Variants in SGIP1 observed in about 807,000 individuals in gnomAD.
SGIP1 encodes the protein SH3GL interacting endocytic adaptor 1.
Under a neutral mutation model 107.5 loss-of-function variants are expected in SGIP1, and 38 were observed. The observed-to-expected ratio is 0.35, with a 90% CI of 0.27 to 0.46. The LOEUF is 0.46. SGIP1 is among the 20% of genes least tolerant of loss of function. The pLI, the probability that SGIP1 is intolerant of heterozygous loss-of-function variation, is 1.00. For synonymous variants in SGIP1, 365 were observed against 366.1 expected (o/e 1.00, Z 0.03); for missense variants, 929 against 1,019.5 (o/e 0.91, Z 1.21).
At chr1:66,718,927 G>A (rs1192751069) in intron 18 of SGIP1, among the ~76,000 whole-genome samples, 1 of 152,174 alleles carries the variant, frequency 6.6e-6, no homozygotes, top group East Asian at 1.9e-4. Flanking sequence ...TGGAATGAAT[G>A]CTCAAATAGG....
At chr1:66,575,984 T>A (rs931105116) in intron 1 of SGIP1, among the ~76,000 whole-genome samples, 4 of 152,168 alleles carry the variant, frequency 2.6e-5, no homozygotes, top group Admixed American at 6.6e-5. Flanking sequence ...GGACCCGTTT[T>A]CCTAGGAACA....
chr1:66,673,870 A>T (rs1055559947), intron 12 of SGIP1, among the ~76,000 whole-genome samples: 1 of 152,208 alleles, frequency 6.6e-6, no homozygotes, highest in Non-Finnish European at 1.5e-5. Context: ...TGAATCATTT[A>T]GAAACTTAGA....
chr1:66,737,129 G>A (rs1440782844), intron 21 of SGIP1, among the ~76,000 whole-genome samples: 4 of 152,088 alleles, frequency 2.6e-5, no homozygotes, highest in Non-Finnish European at 1.5e-5. Context: ...AACTCTAAAT[G>A]TAATTTTTTC....
Position 66,739,190 on chromosome 1 carries a change from A to G in SGIP1, c.2032-145A>G, listed in dbSNP as rs112068493. On this transcript the variant is annotated intron_variant, in intron 21 of 24. Transcript: ENST00000371037. ...TTTTAGTCTGTAACAGTTTACTTGA[A>G]GCACCCAGCTCTCTCACAGCACGCT... 368 of 834,442 alleles carry G rather than the reference A, an allele frequency of 4.4e-4. 3 individuals are homozygous for G. The African/African-American group carries it at 5.4e-3, about 12-fold the overall frequency. 51.7% of individuals were successfully genotyped at this position (834,442 alleles called of 1,614,324 possible). A position where few individuals can be genotyped will look rare whatever the true frequency, so the allele number is the denominator to read the frequency against.
At chr1:66,671,092 A>G in intron 10 of SGIP1, 73 bp downstream of exon 10, 1 of 722,144 alleles carries the variant, frequency 1.4e-6, no homozygotes, top group Non-Finnish European at 2.2e-6. Context: ...CTTGGAGTAT[A>G]TGTACATATG....
At chr1:66,575,980 G>C (rs776673154) in intron 1 of SGIP1, among the ~76,000 whole-genome samples, 1 of 152,152 alleles carries the variant, frequency 6.6e-6, no homozygotes, top group South Asian at 2.1e-4. Flanking sequence ...TGCAGGACCC[G>C]TTTTCCTAGG....
intron 7 of SGIP1, among the ~76,000 whole-genome samples, chr1:66,646,049 C>T (rs1325656782): frequency 1.3e-5 from 2 of 152,152 alleles, no homozygotes; most frequent in Non-Finnish European, 2.9e-5. Flanking sequence ...CCACATTGGC[C>T]AGGCTGGTCT....
rs570644075 is a variant in SGIP1, at chr1:66,567,329, C to T, written c.10+32961C>T. 1.1e-4 allele frequency among the ~76,000 whole-genome samples: 17 copies of T among 152,066 alleles called. 2 individuals are homozygous for T. The highest frequency in any genetic ancestry group is 3.9e-4 in the African/African-American group (16 of 41,500). Reference sequence around the variant, plus strand: ...TCTTTTGAAAAGTGTCTGTTCATATCCTTTGCCCACTTTTTGATGGGGTTG... The same window carrying T: ...TCTTTTGAAAAGTGTCTGTTCATATTCTTTGCCCACTTTTTGATGGGGTTG... On this transcript the variant is annotated intron_variant, in intron 1 of 24. Coordinates refer to ENST00000371037, the MANE Select transcript of SGIP1 (RefSeq NM_032291.4).
At position 66,745,819 on chromosome 1, in the gene SGIP1, A is replaced by G. The variant is rs111738421; in HGVS notation, c.*2724A>G. 19 of 152,230 alleles carry G rather than the reference A, an allele frequency of 1.2e-4. No individual in the cohort carries two copies. The highest frequency in any genetic ancestry group is 4.3e-4 in the African/African-American group (18 of 41,574). The allele number at this position is 152,230 out of a possible 1,614,324, so 9.4% of individuals were successfully genotyped here. A position where few individuals can be genotyped will look rare whatever the true frequency, so the allele number is the denominator to read the frequency against. The stretch of plus-strand genomic sequence containing the variant: ...AAATTTTGTTTTTCTTTTCCAATAA[A>G]ATCCATATTTTCGTGAAATTTTTAA... On this transcript the variant is annotated 3_prime_UTR_variant, in exon 25 of 25. Coordinates refer to ENST00000371037, the MANE Select transcript of SGIP1 (RefSeq NM_032291.4).
intron 1 of SGIP1, among the ~76,000 whole-genome samples, chr1:66,559,027 C>T (rs1445799116): frequency 6.6e-6 from 1 of 152,002 alleles, no homozygotes; most frequent in African/African-American, 2.4e-5. Context: ...GAGAAGGATG[C>T]TAAGCAAACT....
intron 19 of SGIP1, 23 bp downstream of exon 19, chr1:66,719,428 T>G: frequency 6.3e-7 from 1 of 1,586,770 alleles, no homozygotes; most frequent in South Asian, 1.1e-5. Context: ...CTTGGTCCAT[T>G]GTACTTTCTG....
At chr1:66,544,646 A>G (rs2055908549) in intron 1 of SGIP1, among the ~76,000 whole-genome samples, 1 of 152,164 alleles carries the variant, frequency 6.6e-6, no homozygotes. Flanking sequence ...CTATGATCAC[A>G]TCACTGCACT....
At chr1:66,547,315 T>G (rs1285094583) in intron 1 of SGIP1, among the ~76,000 whole-genome samples, 1 of 152,144 alleles carries the variant, frequency 6.6e-6, no homozygotes, top group African/African-American at 2.4e-5. Context: ...TTAAACTGAA[T>G]AAAAATATTG....
At chr1:66,672,808 A>G (rs1011109062) in intron 11 of SGIP1, among the ~76,000 whole-genome samples, 2 of 149,368 alleles carry the variant, frequency 1.3e-5, no homozygotes, top group Non-Finnish European at 3.0e-5. Flanking sequence ...AGAGGATGAA[A>G]CTTCTCGGTG....
chr1:66,577,756 CTGTGTGTGTGTGTGTGTG>C (rs6143251), intron 1 of SGIP1, among the ~76,000 whole-genome samples: 48,150 of 145,010 alleles, frequency 0.33, 8,191 homozygotes, highest in African/African-American at 0.45. Context: ...TAATGCAGTC[CTGTGTGTGTGTGTGTGTG>C]TGTGTGTGTG....
chr1:66,680,028 C>A (rs1376503745), intron 14 of SGIP1, among the ~76,000 whole-genome samples: 2 of 152,188 alleles, frequency 1.3e-5, no homozygotes, highest in Non-Finnish European at 2.9e-5. Flanking sequence ...TGAAAAAAAT[C>A]TCAATATGAA....
In SGIP1 at chr1:66,748,717, A is replaced by G. The variant is rs1053325200; in HGVS notation, c.*5622A>G. 8.6e-5 allele frequency among the ~76,000 whole-genome samples: 13 copies of G among 152,032 alleles called. No homozygotes were observed. Among genetic ancestry groups the G allele is most frequent in the African/African-American group, 3.1e-4 (13 of 41,436 alleles). On this transcript the variant is annotated 3_prime_UTR_variant, in exon 25 of 25. Transcript: ENST00000371037. ...GTCCCGTAATGTTTTAAAGAAAAGA[A>G]GTAAAGTGTATTTGGGCTATGCTCA...
intron 2 of SGIP1, among the ~76,000 whole-genome samples, chr1:66,629,734 A>G (rs2073834111): frequency 6.6e-6 from 1 of 152,224 alleles, no homozygotes; most frequent in African/African-American, 2.4e-5. Context: ...ATAAAACCTC[A>G]TTAGAGGGGG....
chr1:66,706,970 G>A (rs981655060), intron 18 of SGIP1, among the ~76,000 whole-genome samples: 1 of 152,086 alleles, frequency 6.6e-6, no homozygotes, highest in African/African-American at 2.4e-5. Flanking sequence ...ATATGGGAAA[G>A]TATAAATAAA....
Sources: allele counts gnomAD v4.1 joint callset (sites outside exome capture counted in the v4.1 genomes callset), GRCh38; gene constraint gnomAD v4.1.1; transcripts MANE v1.5; gene names NCBI Gene and HGNC (gene_info 2026-07-23, HGNC 2026-07-21).